SRC: variants seen among roughly 807,000 people sequenced by gnomAD.
The protein encoded by SRC is SRC proto-oncogene, non-receptor tyrosine kinase.
In SRC, 13 loss-of-function variants were observed where a neutral mutation model predicts 62.9. The observed-to-expected ratio is 0.21, with a 90% CI of 0.13 to 0.33. The LOEUF (loss-of-function observed/expected upper bound fraction) is 0.33, where lower values mean the gene tolerates loss of function less well. Among genes scored for constraint, SRC ranks in the 10% least tolerant of loss-of-function variants. The pLI is 1.00. For missense variants in SRC, 457 were observed against 737.3 expected (o/e 0.62, Z 4.40); for synonymous variants, 302 against 317.5 (o/e 0.95, Z 0.52).
chr20:37,350,045 C>T (rs1429923617), intron 1 of SRC, among the ~76,000 whole-genome samples: 1 of 152,220 alleles, frequency 6.6e-6, no homozygotes, highest in Admixed American at 6.5e-5. Context: ...CCACCACTTC[C>T]CTGCTCTGGG....
intron 3 of SRC, among the ~76,000 whole-genome samples, chr20:37,383,898 ATTTTTTT>A (rs59004959): frequency 7.2e-6 from 1 of 139,736 alleles, no homozygotes; most frequent in Non-Finnish European, 1.6e-5. Flanking sequence ...TGCCCGGCTA[ATTTTTTT>A]TTTTTTTTCA....
chr20:37,388,407 A>G (rs1241379798), intron 5 of SRC, among the ~76,000 whole-genome samples: 1 of 151,992 alleles, frequency 6.6e-6, no homozygotes, highest in Non-Finnish European at 1.5e-5. Context: ...GTGGATTGGG[A>G]GCCCCTCCTC....
intron 1 of SRC, among the ~76,000 whole-genome samples, chr20:37,360,719 A>G (rs890755479): frequency 6.6e-6 from 1 of 152,232 alleles, no homozygotes; most frequent in Non-Finnish European, 1.5e-5. Context: ...TAGGTGCTCA[A>G]CAAAGAATAG....
intron 1 of SRC, among the ~76,000 whole-genome samples, chr20:37,362,397 C>T (rs752895074): frequency 2.0e-4 from 30 of 152,218 alleles, no homozygotes; most frequent in African/African-American, 7.0e-4. Context: ...CATTCAGCCA[C>T]GTGGTGGTTA....
chr20:37,360,436 C>CA (rs1485407207), intron 1 of SRC, among the ~76,000 whole-genome samples: 1 of 151,910 alleles, frequency 6.6e-6, no homozygotes, highest in Admixed American at 6.6e-5. Flanking sequence ...TCTATGTTAC[C>CA]AAGACTGGTC....
In SRC at chr20:37,401,600, A is replaced by G; in HGVS notation, c.1040-2A>G. On this transcript the variant is annotated splice_acceptor_variant, in intron 10 of 13. Coordinates refer to ENST00000373578, the MANE Select transcript of SRC (RefSeq NM_198291.3). LOFTEE classifies it high-confidence loss of function. ...GCTGGAGCTGGGTCTCTCTCTGCCC[A>G]GGGAGTTTGCTGGACTTTCTCAAGG... is the stretch of plus-strand genomic sequence containing the variant. The G allele has an allele frequency of 6.2e-7, 1 of 1,610,136 alleles. No individual in the cohort carries two copies.
chr20:37,393,034 G>T (rs539644899), intron 5 of SRC, among the ~76,000 whole-genome samples: 5 of 151,502 alleles, frequency 3.3e-5, no homozygotes, highest in African/African-American at 1.2e-4. Flanking sequence ...GCCCCTCCCC[G>T]CTCCCGCCCA....
intron 1 of SRC, among the ~76,000 whole-genome samples, chr20:37,353,055 C>A (rs1466347934): frequency 6.6e-6 from 1 of 152,164 alleles, no homozygotes; most frequent in Non-Finnish European, 1.5e-5. Flanking sequence ...ATTCTTTTTG[C>A]CTCTAAGGGA....
intron 5 of SRC, among the ~76,000 whole-genome samples, chr20:37,388,082 G>C (rs2070485115): frequency 6.6e-6 from 1 of 152,228 alleles, no homozygotes; most frequent in Non-Finnish European, 1.5e-5. Context: ...GCCCGTGCAG[G>C]GGAGGGGCGT....
At chr20:37,391,233 G>T (rs945089767) in intron 5 of SRC, among the ~76,000 whole-genome samples, 2 of 152,198 alleles carry the variant, frequency 1.3e-5, no homozygotes, top group African/African-American at 4.8e-5. Flanking sequence ...TCCCGCTGTG[G>T]CCTGTCCTCT....
Position 37,398,275 on chromosome 20 carries a change from G to A in SRC, c.859+421G>A, listed in dbSNP as rs956151878. ...CCCGGCTCGCAGGAGGGAGTGCTGG[G>A]AAGCTTAGGTCTGGCATGGTCTGGG... On this transcript the variant is annotated intron_variant, in intron 9 of 13. Coordinates refer to ENST00000373578, the MANE Select transcript of SRC (RefSeq NM_198291.3). The surrounding 1 kb of genome is among the most constrained non-coding windows in gnomAD (Gnocchi z 5.2). 1.3e-5 allele frequency among the ~76,000 whole-genome samples: 2 copies of A among 152,196 alleles called. No homozygotes were observed. The highest frequency in any genetic ancestry group is 2.9e-5 in the Non-Finnish European group (2 of 68,042).
intron 5 of SRC, among the ~76,000 whole-genome samples, chr20:37,391,970 C>T (rs1180548057): frequency 6.6e-6 from 1 of 152,202 alleles, no homozygotes; most frequent in Admixed American, 6.5e-5. Flanking sequence ...TGGAGCCCTG[C>T]CTTCCTCCCT....
chr20:37,379,092 C>T (rs2070322481), intron 2 of SRC, among the ~76,000 whole-genome samples: 1 of 152,006 alleles, frequency 6.6e-6, no homozygotes, highest in Non-Finnish European at 1.5e-5. Flanking sequence ...ACTGGGAACG[C>T]CGAGGGAAAA....
At chr20:37,386,792 G>A (rs78202849) in intron 5 of SRC, among the ~76,000 whole-genome samples, 7,010 of 152,348 alleles carry the variant, frequency 0.046, 173 homozygotes, top group Middle Eastern at 0.085. Context: ...TGCTGTGATG[G>A]GGATAGCCTG....
intron 3 of SRC, chr20:37,383,814 C>T (rs1276828856): frequency 7.0e-6 from 2 of 284,920 alleles, no homozygotes; most frequent in African/African-American, 4.6e-5. Flanking sequence ...TCACTGCAGC[C>T]TCTGCCTCCC....
In SRC at chr20:37,353,279, C is replaced by T. The variant is rs551750688; in HGVS notation, c.-247+7024C>T. ...GGCAAATGGAACTGGACTCTTTCCC[C>T]ACTGAGCCCGTCTCCTCAGTCTGGG... On this transcript the variant is annotated intron_variant, in intron 1 of 13. Transcript: ENST00000373578. Among the ~76,000 whole-genome samples the T allele has an allele frequency of 2.6e-5, 4 of 152,260 alleles. No individual in the cohort carries two copies. In the South Asian group the frequency reaches 8.3e-4, roughly 32 times the overall value.
At chr20:37,378,268 TC>T (rs909341179) in intron 2 of SRC, among the ~76,000 whole-genome samples, 4 of 150,400 alleles carry the variant, frequency 2.7e-5, no homozygotes, top group African/African-American at 9.8e-5. Context: ...GCTCAAGTGA[TC>T]CCCCCACCTC....
chr20:37,345,408 T>G (rs1169315935), upstream of SRC, among the ~76,000 whole-genome samples: 1 of 152,222 alleles, frequency 6.6e-6, no homozygotes, highest in East Asian at 1.9e-4. Flanking sequence ...GAAGTGTGAC[T>G]GCCACTCAGA....
chr20:37,393,374 C>T (rs2070584797), intron 5 of SRC, among the ~76,000 whole-genome samples: 1 of 152,238 alleles, frequency 6.6e-6, no homozygotes, highest in African/African-American at 2.4e-5. Flanking sequence ...AGCAGGGCCC[C>T]TGCTTGCCTC....
Sources: allele counts gnomAD v4.1 joint callset (sites outside exome capture counted in the v4.1 genomes callset), GRCh38; gene constraint gnomAD v4.1.1; non-coding constraint Gnocchi (gnomAD v3.1); transcripts MANE v1.5; gene names NCBI Gene and HGNC (gene_info 2026-07-23, HGNC 2026-07-21).